Variants in SAMMSON observed in about 807,000 individuals in gnomAD.
SAMMSON encodes the protein long intergenic non-protein coding RNA 1212.
intron 4 of SAMMSON, among the ~76,000 whole-genome samples, chr3:70,242,416 A>G (rs2106642519): frequency 6.6e-6 from 1 of 152,326 alleles, no homozygotes; most frequent in Admixed American, 6.5e-5. Context: ...TTAGATAATT[A>G]TAATTGAGAA....
intron 7 of SAMMSON, among the ~76,000 whole-genome samples, chr3:70,306,485 A>G (rs1041406192): frequency 2.0e-5 from 3 of 152,116 alleles, no homozygotes; most frequent in South Asian, 2.1e-4. Flanking sequence ...TACTTAATTC[A>G]AAATAACTAC....
Position 70,018,836 on chromosome 3 carries a change from T to C in SAMMSON, n.417+5164T>C, listed in dbSNP as rs2066998379. Among the ~76,000 whole-genome samples the C allele has an allele frequency of 2.0e-5, 3 of 152,254 alleles. No individual in the cohort carries two copies. The South Asian group carries it at 6.2e-4, about 31-fold the overall frequency. ...CTTTATTTCTGCCTTCATTTCGTTA[T>C]GGACTCAGTAGTCATTCAGGAGCAG... On this transcript the variant is annotated intron_variant and non_coding_transcript_variant, in intron 3 of 9. Transcript: ENST00000642114.
At chr3:70,398,236 C>T (rs1408437280) in intron 2 of SAMMSON, among the ~76,000 whole-genome samples, 1 of 152,162 alleles carries the variant, frequency 6.6e-6, no homozygotes, top group Non-Finnish European at 1.5e-5. Flanking sequence ...AATATTTACT[C>T]ATATTGGCTT....
chr3:70,280,899 A>G (rs1204371299), intron 6 of SAMMSON, among the ~76,000 whole-genome samples: 1 of 152,116 alleles, frequency 6.6e-6, no homozygotes, highest in Non-Finnish European at 1.5e-5. Context: ...AACAGATAGG[A>G]CTTGCTGGGT....
intron 4 of SAMMSON, among the ~76,000 whole-genome samples, chr3:70,078,067 A>G (rs1393409275): frequency 1.3e-5 from 2 of 151,986 alleles, no homozygotes; most frequent in African/African-American, 4.8e-5. Flanking sequence ...TCTCATCTCT[A>G]TCACCTATCC....
chr3:70,378,385 A>C (rs1469531211), intron 9 of SAMMSON, among the ~76,000 whole-genome samples: 2 of 152,026 alleles, frequency 1.3e-5, no homozygotes, highest in African/African-American at 4.8e-5. Flanking sequence ...GATTGTACTT[A>C]TATAAAAATA....
intron 9 of SAMMSON, among the ~76,000 whole-genome samples, chr3:70,385,340 G>T (rs1479508498): frequency 2.6e-5 from 4 of 152,064 alleles, no homozygotes; most frequent in African/African-American, 4.8e-5. Flanking sequence ...CTATAAATAT[G>T]TTAAAGATTG....
chr3:70,342,741 C>A (rs1702720467), intron 7 of SAMMSON, among the ~76,000 whole-genome samples: 1 of 152,076 alleles, frequency 6.6e-6, no homozygotes, highest in Admixed American at 6.6e-5. Flanking sequence ...GTCAGTATTG[C>A]CTGAAGTCAT....
At chr3:70,422,427 T>C (rs1479647482) in intron 2 of SAMMSON, among the ~76,000 whole-genome samples, 1 of 152,062 alleles carries the variant, frequency 6.6e-6, no homozygotes, top group Non-Finnish European at 1.5e-5. Flanking sequence ...ATTACTTGTC[T>C]CTGATTTAAA....
chr3:70,255,801 A>G (rs1203274116), intron 6 of SAMMSON, among the ~76,000 whole-genome samples: 1 of 152,204 alleles, frequency 6.6e-6, no homozygotes, highest in African/African-American at 2.4e-5. Flanking sequence ...TCTGAACATT[A>G]GGAATTGGGA....
intron 4 of SAMMSON, among the ~76,000 whole-genome samples, chr3:70,228,217 T>G (rs1267953775): frequency 6.6e-6 from 1 of 152,064 alleles, no homozygotes; most frequent in East Asian, 1.9e-4. Flanking sequence ...ATATCCACTA[T>G]GCTATCTACT....
At chr3:70,061,734 G>A (rs1242889909) in intron 3 of SAMMSON, among the ~76,000 whole-genome samples, 3 of 152,058 alleles carry the variant, frequency 2.0e-5, no homozygotes, top group Admixed American at 6.6e-5. Context: ...ATCTACCCAC[G>A]GCTACATTCA....
At chr3:70,398,298 G>T (rs1021914022) in intron 2 of SAMMSON, among the ~76,000 whole-genome samples, 5 of 152,142 alleles carry the variant, frequency 3.3e-5, no homozygotes, top group African/African-American at 4.8e-5. Flanking sequence ...AAGGTTTCCT[G>T]TATATTTTTG....
At chr3:70,235,147 G>C (rs945628722) in intron 4 of SAMMSON, among the ~76,000 whole-genome samples, 2 of 152,066 alleles carry the variant, frequency 1.3e-5, no homozygotes, top group Admixed American at 1.3e-4. Flanking sequence ...GTCTTTTAAA[G>C]GTGAACCTTT....
rs143554189 is a variant in SAMMSON, at chr3:70,255,903, C to T, written n.674+6233C>T. ...AGGTGCAAACTGTGTGGATCCTGAG[C>T]ATTTACAGGAAAAAAATTCTAATTA... is the stretch of plus-strand genomic sequence containing the variant. On this transcript the variant is annotated intron_variant and non_coding_transcript_variant, in intron 6 of 9. Transcript: ENST00000642114. 9.9e-5 allele frequency among the ~76,000 whole-genome samples: 15 copies of T among 152,078 alleles called. 2 individuals carry two copies. Among genetic ancestry groups the T allele is most frequent in the African/African-American group, 3.4e-4 (14 of 41,466 alleles).
intron 4 of SAMMSON, among the ~76,000 whole-genome samples, chr3:70,226,977 C>T (rs891575774): frequency 1.3e-5 from 2 of 152,100 alleles, no homozygotes; most frequent in Admixed American, 1.3e-4. Flanking sequence ...GGCACTGGAG[C>T]AGTGGCTCTT....
At chr3:70,219,288 T>C (rs965774417) in intron 4 of SAMMSON, among the ~76,000 whole-genome samples, 5 of 152,204 alleles carry the variant, frequency 3.3e-5, no homozygotes, top group Non-Finnish European at 5.9e-5. Flanking sequence ...CCAATCAGTC[T>C]AGCACTTACA....
At chr3:70,236,138 C>A (rs1701606490) in intron 4 of SAMMSON, among the ~76,000 whole-genome samples, 1 of 152,198 alleles carries the variant, frequency 6.6e-6, no homozygotes, top group Non-Finnish European at 1.5e-5. Flanking sequence ...GACCTGTTGA[C>A]CTTATTCATT....
chr3:70,111,782 A>G (rs1399790055), intron 4 of SAMMSON, among the ~76,000 whole-genome samples: 1 of 152,182 alleles, frequency 6.6e-6, no homozygotes. Context: ...AAAATGTTGT[A>G]ATATAAACCT....
Sources: gnomAD v4.1 joint callset for allele counts (sites outside exome capture counted in the v4.1 genomes callset) on GRCh38, gnomAD v4.1.1 for gene constraint, MANE v1.5 for transcripts, NCBI Gene and HGNC (gene_info 2026-07-23, HGNC 2026-07-21) for gene names.